Variants in L3MBTL3 observed in about 807,000 individuals in gnomAD.
L3MBTL3 encodes L3MBTL histone methyl-lysine binding protein 3.
In L3MBTL3, 27 loss-of-function variants were observed where a neutral mutation model predicts 102.3. The observed-to-expected ratio is 0.26, with a 90% CI of 0.19 to 0.36. The LOEUF (loss-of-function observed/expected upper bound fraction) is 0.36. Among genes scored for constraint, L3MBTL3 ranks in the 10% least tolerant of loss-of-function variants. L3MBTL3 has a pLI of 1.00. For missense variants in L3MBTL3, 798 were observed against 955.3 expected (o/e 0.84, Z 2.17); for synonymous variants, 340 against 320.9 (o/e 1.06, Z -0.64).
intron 7 of L3MBTL3, among the ~76,000 whole-genome samples, chr6:130,053,634 C>CAAAAA (rs1036611505): frequency 1.7e-5 from 1 of 59,274 alleles, no homozygotes; most frequent in Non-Finnish European, 4.0e-5. Context: ...GACTGTGTCT[C>CAAAAA]AAAAAAAAAA....
At chr6:130,128,748 C>T (rs1167805955) in intron 20 of L3MBTL3, among the ~76,000 whole-genome samples, 1 of 152,154 alleles carries the variant, frequency 6.6e-6, no homozygotes, top group Non-Finnish European at 1.5e-5. Context: ...TGGATGATAA[C>T]TCAGAAGGAA....
At position 130,086,203 on chromosome 6, in the gene L3MBTL3, T is replaced by G; in HGVS notation, c.1471T>G (p.Phe491Val). The G allele has an allele frequency of 1.2e-6, 2 of 1,613,412 alleles. No individual in the cohort carries two copies. Among genetic ancestry groups the G allele is most frequent in the South Asian group, 2.2e-5 (2 of 90,938 alleles). Reference protein sequence around the residue: ...LEVVDKRNPMFIRVATVADTD... With the variant: ...LEVVDKRNPMVIRVATVADTD... ...GGTTGTAGACAAAAGGAACCCTATG[T>G]TTATTAGAGTAGCAACTGTGGCAGA... The change falls in exon 16 of 23, where the codon TTT becomes GTT. Residue 491 changes from phenylalanine to valine, a missense_variant. Physicochemically the swap from Phe to Val is conservative, Grantham distance 50. Transcript: ENST00000361794.
chr6:130,104,634 T>A, intron 19 of L3MBTL3, 59 bp downstream of exon 19: 1 of 1,252,238 alleles, frequency 8.0e-7, no homozygotes, highest in Non-Finnish European at 1.1e-6. Context: ...AGAGATTTTT[T>A]ATCTTTTAGA....
intron 2 of L3MBTL3, among the ~76,000 whole-genome samples, chr6:130,023,209 C>T (rs1257472551): frequency 6.6e-6 from 1 of 151,978 alleles, no homozygotes; most frequent in Non-Finnish European, 1.5e-5. Context: ...GAACTAACAA[C>T]CTTCATTGGG....
chr6:130,038,696 A>G (rs1780215839), intron 2 of L3MBTL3, among the ~76,000 whole-genome samples: 1 of 152,144 alleles, frequency 6.6e-6, no homozygotes, highest in Non-Finnish European at 1.5e-5. Context: ...TAGTTTGGAA[A>G]TATCTTTTCC....
At chr6:130,025,848 A>C (rs764401872) in intron 2 of L3MBTL3, among the ~76,000 whole-genome samples, 12 of 152,186 alleles carry the variant, frequency 7.9e-5, no homozygotes, top group Non-Finnish European at 1.3e-4. Context: ...GCTTCACAAA[A>C]TCAACAATTA....
intron 20 of L3MBTL3, among the ~76,000 whole-genome samples, chr6:130,123,460 G>C (rs1230636807): frequency 6.6e-6 from 1 of 152,006 alleles, no homozygotes; most frequent in African/African-American, 2.4e-5. Context: ...AAAATAAGTT[G>C]TTTTGAGAAT....
intron 16 of L3MBTL3, among the ~76,000 whole-genome samples, chr6:130,088,474 A>G (rs1165132952): frequency 6.6e-6 from 1 of 152,192 alleles, no homozygotes; most frequent in Non-Finnish European, 1.5e-5. Flanking sequence ...TAATATTTTA[A>G]GTTTTTCAGG....
At position 130,092,797 on chromosome 6, in the gene L3MBTL3, C is replaced by G. The variant is rs1784140077; in HGVS notation, c.1571C>G (p.Ser524Cys). The change falls in exon 17 of 23, where the codon TCT becomes TGT. Residue 524 changes from serine (S) to cysteine (C), a missense_variant. By Grantham distance (112) the Ser-to-Cys change is moderately radical (BLOSUM62 -1). Coordinates refer to ENST00000361794, the MANE Select transcript of L3MBTL3 (RefSeq NM_032438.4). ...TATGATTACTGGATAGATGCAGATT[C>G]TCCTGATATTCACCCTGTAGGCTGG... ...NCYDYWIDADSPDIHPVGWCS... is the reference protein window; with the variant it reads ...NCYDYWIDADCPDIHPVGWCS... 6.2e-7 allele frequency: 1 copy of G among 1,613,426 alleles called. No homozygotes were observed. The highest frequency in any genetic ancestry group is 2.2e-5 in the East Asian group (1 of 44,850).
intron 18 of L3MBTL3, among the ~76,000 whole-genome samples, chr6:130,100,040 A>G (rs1418960856): frequency 6.6e-6 from 1 of 152,190 alleles, no homozygotes; most frequent in Non-Finnish European, 1.5e-5. Flanking sequence ...CTATTCACCC[A>G]TATAGTATAG....
Position 130,052,860 on chromosome 6 carries a change from G to T in L3MBTL3, c.451G>T (p.Asp151Tyr), listed in dbSNP as rs971413194. 15 of 1,613,202 alleles carry T rather than the reference G, an allele frequency of 9.3e-6. No individual in the cohort carries two copies. Among genetic ancestry groups the T allele is most frequent in the African/African-American group, 4.0e-5 (3 of 74,858 alleles). ...QNCARHIKDK[D>Y]QKEERDVEED... ...ATTTTGGGTTTATAAACACAACAGA[G>T]ATCAGAAGGAAGAAAGGGACGTAGA... Residue 151 changes from aspartate to tyrosine, a missense_variant and splice_region_variant, in exon 7 of 23, where the codon GAT becomes TAT. Around this residue, in one of 4 missense-constraint regions of L3MBTL3, gnomAD observed 434 missense variants for 506.6 expected, o/e 0.86. Transcript: ENST00000361794.
intron 18 of L3MBTL3, among the ~76,000 whole-genome samples, chr6:130,095,988 G>A (rs1009816006): frequency 3.3e-5 from 5 of 152,134 alleles, no homozygotes; most frequent in African/African-American, 7.2e-5. Flanking sequence ...AAATATTTTC[G>A]AGCAGCATTT....
chr6:130,095,926 A>G (rs1359712939), intron 18 of L3MBTL3, among the ~76,000 whole-genome samples: 1 of 152,172 alleles, frequency 6.6e-6, no homozygotes, highest in Non-Finnish European at 1.5e-5. Flanking sequence ...AGATTTCAAC[A>G]TGAGTTTTGG....
At chr6:130,064,988 G>A (rs768040693) in intron 10 of L3MBTL3, among the ~76,000 whole-genome samples, 2 of 152,114 alleles carry the variant, frequency 1.3e-5, no homozygotes, top group Admixed American at 1.3e-4. Flanking sequence ...TCTTTGCATG[G>A]GGTGGCTGTA....
intron 10 of L3MBTL3, 96 bp downstream of exon 10, chr6:130,060,236 C>G (rs1781802399): frequency 1.4e-6 from 1 of 690,732 alleles, no homozygotes; most frequent in African/African-American, 1.8e-5. Flanking sequence ...TCATGCCAGG[C>G]ATGGTGCTTA....
intron 2 of L3MBTL3, among the ~76,000 whole-genome samples, chr6:130,027,410 T>C (rs1006757313): frequency 1.3e-5 from 2 of 152,172 alleles, no homozygotes; most frequent in African/African-American, 4.8e-5. Context: ...GTTGATTATT[T>C]TTCTCCATCC....
At chr6:130,019,743 C>T (rs1391465418) in intron 1 of L3MBTL3, among the ~76,000 whole-genome samples, 1 of 151,572 alleles carries the variant, frequency 6.6e-6, no homozygotes, top group African/African-American at 2.4e-5. Context: ...AGATCAGCTC[C>T]AATTTCCGCC....
At position 130,092,085 on chromosome 6, in the gene L3MBTL3, T is replaced by G. The variant is rs149997106; in HGVS notation, c.1519-660T>G. On this transcript the variant is annotated intron_variant, in intron 16 of 22. Coordinates refer to ENST00000361794, the MANE Select transcript of L3MBTL3 (RefSeq NM_032438.4). Reference sequence around the variant, plus strand: ...TTACCCTGATTTGATCATTATACATTATATGCCTATATCAAAATGTCACAT... The same window carrying G: ...TTACCCTGATTTGATCATTATACATGATATGCCTATATCAAAATGTCACAT... 7.5e-3 allele frequency among the ~76,000 whole-genome samples: 1,141 copies of G among 152,220 alleles called. 3 individuals are homozygous for G. The highest frequency in any genetic ancestry group is 0.012 in the Non-Finnish European group (802 of 67,996).
chr6:130,094,205 C>A, intron 17 of L3MBTL3, 60 bp from the exon 18 acceptor site: 1 of 1,320,870 alleles, frequency 7.6e-7, no homozygotes, highest in Non-Finnish European at 1.1e-6. Context: ...AGACATTTGA[C>A]TCTTCACAGA....
Sources: gnomAD v4.1 joint callset for allele counts (sites outside exome capture counted in the v4.1 genomes callset) on GRCh38, gnomAD v4.1.1 for gene constraint, gnomAD v4.1.1 regional missense constraint, MANE v1.5 for transcripts, NCBI Gene and HGNC (gene_info 2026-07-23, HGNC 2026-07-21) for gene names.